Variants in PARD3B observed in about 807,000 individuals in gnomAD.
The protein encoded by PARD3B is par-3 family cell polarity regulator beta.
A neutral mutation model predicts 130.2 loss-of-function variants in PARD3B; 103 were observed. That is an observed-to-expected ratio of 0.79 (90% CI 0.67 to 0.93). The LOEUF is 0.93. Among genes scored for constraint, PARD3B ranks in the 40% least tolerant of loss-of-function variants. The probability of loss-of-function intolerance (pLI) is 0.00; values close to 1 mark genes in which losing one functional copy is unlikely to be tolerated. For synonymous variants in PARD3B, 583 were observed against 553.2 expected (o/e 1.05, Z -0.76); for missense variants, 1,609 against 1,499.2 (o/e 1.07, Z -1.21).
intron 11 of PARD3B, among the ~76,000 whole-genome samples, chr2:205,165,904 TA>T (rs1320219817): frequency 2.6e-5 from 4 of 152,192 alleles, no homozygotes; most frequent in Non-Finnish European, 4.4e-5. Context: ...CAAGTAGAGA[TA>T]GGGGCAGTAT....
intron 1 of PARD3B, among the ~76,000 whole-genome samples, chr2:204,682,452 T>G (rs1039626373): frequency 7.9e-5 from 12 of 152,192 alleles, no homozygotes; most frequent in Non-Finnish European, 8.8e-5. Flanking sequence ...ACCTGACCTA[T>G]AGGTAAAATC....
At chr2:205,226,057 C>T (rs939948668) in intron 15 of PARD3B, among the ~76,000 whole-genome samples, 3 of 152,120 alleles carry the variant, frequency 2.0e-5, no homozygotes, top group African/African-American at 4.8e-5. Flanking sequence ...TGCAATGGCA[C>T]GATCTCAAGA....
At chr2:204,647,647 A>C (rs1229030479) in intron 1 of PARD3B, among the ~76,000 whole-genome samples, 3 of 151,810 alleles carry the variant, frequency 2.0e-5, no homozygotes, top group South Asian at 4.1e-4. Flanking sequence ...ATATTTTAGA[A>C]GTATAATTTA....
chr2:205,039,976 G>T (rs371538060), intron 3 of PARD3B, among the ~76,000 whole-genome samples: 11 of 151,868 alleles, frequency 7.2e-5, no homozygotes, highest in African/African-American at 2.7e-4. Flanking sequence ...GTGTTTGTTT[G>T]TTTTTGAGAC....
chr2:204,966,988 AG>A (rs1432712536), intron 3 of PARD3B, among the ~76,000 whole-genome samples: 3 of 152,226 alleles, frequency 2.0e-5, no homozygotes, highest in Non-Finnish European at 4.4e-5. Flanking sequence ...CATAGCTATT[AG>A]GTGGCAGAGC....
At chr2:205,329,588 G>A (rs1453630105) in intron 18 of PARD3B, among the ~76,000 whole-genome samples, 1 of 152,214 alleles carries the variant, frequency 6.6e-6, no homozygotes. Flanking sequence ...GAGTTGAACA[G>A]ACATTCAGAT....
intron 4 of PARD3B, among the ~76,000 whole-genome samples, chr2:205,073,951 A>G (rs1184692752): frequency 6.6e-6 from 1 of 152,192 alleles, no homozygotes; most frequent in Non-Finnish European, 1.5e-5. Flanking sequence ...TAGCCCACAC[A>G]TATTCCTCTT....
chr2:205,605,949 G>T (rs1408249650), intron 22 of PARD3B, among the ~76,000 whole-genome samples: 1 of 152,198 alleles, frequency 6.6e-6, no homozygotes, highest in African/African-American at 2.4e-5. Flanking sequence ...GGCTGGAGTT[G>T]CTTAAATTCC....
chr2:205,482,218 T>C (rs1047905466), intron 20 of PARD3B, among the ~76,000 whole-genome samples: 2 of 152,106 alleles, frequency 1.3e-5, no homozygotes. Flanking sequence ...AGAGAATCCT[T>C]TTAGAGAATA....
chr2:204,865,340 T>C (rs2125635976), intron 2 of PARD3B, among the ~76,000 whole-genome samples: 1 of 152,342 alleles, frequency 6.6e-6, no homozygotes, highest in African/African-American at 2.4e-5. Context: ...CAGCACAATT[T>C]GCAATCAGGA....
chr2:204,659,612 C>T (rs1359137636), intron 1 of PARD3B, among the ~76,000 whole-genome samples: 1 of 152,086 alleles, frequency 6.6e-6, no homozygotes, highest in Non-Finnish European at 1.5e-5. Flanking sequence ...CACATCATCC[C>T]AAGAGGAGCT....
intron 18 of PARD3B, among the ~76,000 whole-genome samples, chr2:205,330,868 T>C (rs1345934505): frequency 6.6e-6 from 1 of 152,180 alleles, no homozygotes; most frequent in Non-Finnish European, 1.5e-5. Context: ...TAAACTATAA[T>C]GTGGTTCCTT....
intron 2 of PARD3B, among the ~76,000 whole-genome samples, chr2:204,794,278 C>T (rs374001825): frequency 6.6e-6 from 1 of 152,024 alleles, no homozygotes; most frequent in Non-Finnish European, 1.5e-5. Flanking sequence ...ACGTTGTTAC[C>T]TCAAGGAAAA....
rs1368855415 is a variant in PARD3B at position 205,244,915 on chromosome 2, T to C, written c.2141-863T>C. ...GCACTATTCCCAGCCCTGTGTGAAC[T>C]TCGGATGCTGTTCCTCTTCCAGTTT... On this transcript the variant is annotated intron_variant, in intron 15 of 22. Transcript: ENST00000406610. The surrounding 1 kb of genome is among the most constrained non-coding windows in gnomAD (Gnocchi z 4.7). 2.0e-5 allele frequency among the ~76,000 whole-genome samples: 3 copies of C among 152,244 alleles called. No individual in the cohort carries two copies. Among genetic ancestry groups the C allele is most frequent in the Admixed American group, 1.3e-4 (2 of 15,286 alleles).
intron 4 of PARD3B, among the ~76,000 whole-genome samples, chr2:205,068,353 A>G (rs1700515869): frequency 6.6e-6 from 1 of 151,816 alleles, no homozygotes; most frequent in South Asian, 2.1e-4. Flanking sequence ...TCTCCACCTA[A>G]CCCCAATATT....
At chr2:204,951,485 A>G (rs956583497) in intron 2 of PARD3B, among the ~76,000 whole-genome samples, 3 of 151,836 alleles carry the variant, frequency 2.0e-5, no homozygotes, top group Admixed American at 2.0e-4. Context: ...TTGAAACACC[A>G]CTTCTGTAGC....
At chr2:204,649,948 A>C (rs894052566) in intron 1 of PARD3B, among the ~76,000 whole-genome samples, 1 of 152,234 alleles carries the variant, frequency 6.6e-6, no homozygotes, top group African/African-American at 2.4e-5. Context: ...TCTGCACAGC[A>C]AAAGAAACTA....
At position 205,341,337 on chromosome 2, in the gene PARD3B, AC is replaced by A. The variant is rs1307344153; in HGVS notation, c.2630+39638del. On this transcript the variant is annotated intron_variant, in intron 18 of 22. Transcript: ENST00000406610. This position sits in a 1 kb window ranked among gnomAD's most constrained non-coding sequence, Gnocchi z 4.3. ...TCACAATAGCTAAGATATGGAATCAACCAAAATGTCCATTAACAGATGAGTA... is the reference window on the plus strand; with the variant it reads ...TCACAATAGCTAAGATATGGAATCAACAAAATGTCCATTAACAGATGAGTA... Among the ~76,000 whole-genome samples the A allele has an allele frequency of 6.6e-6, 1 of 152,172 alleles. No individual in the cohort carries two copies.
intron 15 of PARD3B, among the ~76,000 whole-genome samples, chr2:205,235,170 C>T (rs2039008320): frequency 6.6e-6 from 1 of 152,106 alleles, no homozygotes; most frequent in African/African-American, 2.4e-5. Context: ...CCTGTAATCA[C>T]AGCAATTTGG....
Sources: gnomAD v4.1 joint callset for allele counts (sites outside exome capture counted in the v4.1 genomes callset) on GRCh38, gnomAD v4.1.1 for gene constraint, Gnocchi (gnomAD v3.1) non-coding constraint, MANE v1.5 for transcripts, NCBI Gene and HGNC (gene_info 2026-07-23, HGNC 2026-07-21) for gene names.